The following DCPS variants were observed in gnomAD, a reference collection of about 807,000 sequenced individuals.
DCPS encodes the protein decapping enzyme, scavenger.
In DCPS, 27 loss-of-function variants were observed where a neutral mutation model predicts 34.7. The observed-to-expected ratio is 0.78, with a 90% CI of 0.57 to 1.07. The LOEUF (loss-of-function observed/expected upper bound fraction) is 1.07, where lower values mean the gene tolerates loss of function less well. Ranked by LOEUF, DCPS falls within the 50% of genes least tolerant of loss-of-function variation. The pLI is 0.00. For synonymous variants in DCPS, 185 were observed against 185.7 expected, an observed-to-expected ratio of 1.00 and a Z score of 0.03; for missense variants, 464 against 436.9, an observed-to-expected ratio of 1.06 and a Z score of -0.55.
rs1951718769 is a variant in DCPS, at chr11:126,322,974, G to GGTA, written c.377-8430_377-8428dup. On this transcript the variant is annotated intron_variant, in intron 2 of 5. Transcript: ENST00000263579. The surrounding 1 kb of genome is among the most constrained non-coding windows in gnomAD (Gnocchi z 4.2). ...TCCCGAGTAGTGGCGACCAGAGGCA[G>GGTA]GTACCACCACACGTGGCTAATTTAT... Among the ~76,000 whole-genome samples, 1 of 152,128 alleles carries GGTA rather than the reference G, an allele frequency of 6.6e-6. No homozygotes were observed. Among genetic ancestry groups the GGTA allele is most frequent in the African/African-American group, 2.4e-5 (1 of 41,408 alleles).
At chr11:126,341,943 C>T (rs1404421095) in intron 4 of DCPS, 1 of 152,220 alleles carries the variant, frequency 6.6e-6, no homozygotes, top group Non-Finnish European at 1.5e-5. Context: ...ATGTAAAGAC[C>T]ATGGCATAGT....
rs759084397 is a variant in DCPS at position 126,345,501 on chromosome 11, TGATC to T, written c.905_908del (p.Ile302ArgfsTer101). ...GAGCGGGCCCACCTGCTGGCTGAGG[TGATC>T]GAGAACTTGGAGTGTGACCCTAGGC... On this transcript the variant is annotated frameshift_variant, in exon 6 of 6. Transcript: ENST00000263579. LOFTEE classifies it high-confidence loss of function. The surrounding 1 kb of genome is among the most constrained non-coding windows in gnomAD (Gnocchi z 7.4). The T allele has an allele frequency of 6.2e-7, 1 of 1,613,940 alleles. No homozygotes were observed. Among genetic ancestry groups the T allele is most frequent in the Non-Finnish European group, 8.5e-7 (1 of 1,179,964 alleles).
In DCPS at chr11:126,328,883, T is replaced by G. The variant is rs182812010; in HGVS notation, c.377-2522T>G. On this transcript the variant is annotated intron_variant, in intron 2 of 5. Coordinates refer to ENST00000263579, the MANE Select transcript of DCPS (RefSeq NM_014026.6). This position sits in a 1 kb window ranked among gnomAD's most constrained non-coding sequence, Gnocchi z 6.6. ...ACTCGTTTAATTCTCCCAACAGCCC[T>G]GGAAGGTAGGTGCTGTTATTGTTAC... Among the ~76,000 whole-genome samples, 162 of 152,284 alleles carry G rather than the reference T, an allele frequency of 1.1e-3. No homozygotes were observed. Among genetic ancestry groups the G allele is most frequent in the South Asian group, 7.5e-3 (36 of 4,826 alleles).
intron 2 of DCPS, 76 bp downstream of exon 2, chr11:126,306,820 A>G (rs1463631566): frequency 1.3e-6 from 2 of 1,498,166 alleles, no homozygotes; most frequent in Admixed American, 3.8e-5. Flanking sequence ...TGGTGACCAG[A>G]CTCTCTATAC....
chr11:126,305,413 CTTTTTTTTTT>C (rs1165260410), intron 1 of DCPS, among the ~76,000 whole-genome samples: 4 of 68,296 alleles, frequency 5.9e-5, no homozygotes, highest in African/African-American at 1.8e-4. Context: ...CCGCACCCGC[CTTTTTTTTTT>C]TTTTTTTTTT....
At position 126,314,942 on chromosome 11, in the gene DCPS, C is replaced by T. The variant is rs140620179; in HGVS notation, c.376+8198C>T. On this transcript the variant is annotated intron_variant, in intron 2 of 5. Coordinates refer to ENST00000263579, the MANE Select transcript of DCPS (RefSeq NM_014026.6). ...AAATCACCACTAAAGAACTTATTCACGTAAGTTCCTACCTGTTCCCCAAAA... is the reference window on the plus strand; with the variant it reads ...AAATCACCACTAAAGAACTTATTCATGTAAGTTCCTACCTGTTCCCCAAAA... 1.1e-3 allele frequency among the ~76,000 whole-genome samples: 170 copies of T among 152,004 alleles called. 1 individual carries two copies. The highest frequency in any genetic ancestry group is 3.8e-3 in the African/African-American group (159 of 41,404).
rs1218125610 is a variant in DCPS at position 126,327,006 on chromosome 11, T to C, written c.377-4399T>C. Among the ~76,000 whole-genome samples, 1 of 152,088 alleles carries C rather than the reference T, an allele frequency of 6.6e-6. No homozygotes were observed. The highest frequency in any genetic ancestry group is 1.5e-5 in the Non-Finnish European group (1 of 68,034). On this transcript the variant is annotated intron_variant, in intron 2 of 5. Transcript: ENST00000263579. The surrounding 1 kb of genome is among the most constrained non-coding windows in gnomAD (Gnocchi z 4.1). The stretch of plus-strand genomic sequence containing the variant: ...GGCTTTTTCTGTCTCCACATATACG[T>C]AGAATAATGATAACGATGGATATAA...
intron 2 of DCPS, among the ~76,000 whole-genome samples, chr11:126,316,457 T>G (rs552847764): frequency 6.6e-6 from 1 of 152,142 alleles, no homozygotes; most frequent in African/African-American, 2.4e-5. Context: ...TACATCATAT[T>G]TCCTTCCTTG....
At position 126,331,284 on chromosome 11, in the gene DCPS, T is replaced by G; in HGVS notation, c.377-121T>G. On this transcript the variant is annotated intron_variant, in intron 2 of 5. Coordinates refer to ENST00000263579, the MANE Select transcript of DCPS (RefSeq NM_014026.6). This position sits in a 1 kb window ranked among gnomAD's most constrained non-coding sequence, Gnocchi z 7.2. ...AGTGGATCTTGGGTGCATGATCCTC[T>G]TGGATTTTGGCTTCCCTCAGGGAAT... 1 of 1,454,210 alleles carries G rather than the reference T, an allele frequency of 6.9e-7. No individual in the cohort carries two copies. The highest frequency in any genetic ancestry group is 9.3e-7 in the Non-Finnish European group (1 of 1,074,144). 90.1% of individuals were successfully genotyped at this position (1,454,210 alleles called of 1,614,324 possible).
intron 2 of DCPS, among the ~76,000 whole-genome samples, chr11:126,318,542 C>T (rs995003162): frequency 6.6e-6 from 1 of 152,194 alleles, no homozygotes; most frequent in African/African-American, 2.4e-5. Context: ...ACCAACCTCT[C>T]GTTCTTTCAG....
Position 126,334,692 on chromosome 11 carries a change from A to C in DCPS, c.522+3142A>C, listed in dbSNP as rs1021028819. ...GCAGCCCTTTTGGAGACAGGTCTCA[A>C]AGCCAGGCAGTCTGGTCCCAGTATC... On this transcript the variant is annotated intron_variant, in intron 3 of 5. Coordinates refer to ENST00000263579, the MANE Select transcript of DCPS (RefSeq NM_014026.6). The surrounding 1 kb of genome is among the most constrained non-coding windows in gnomAD (Gnocchi z 5.5). Among the ~76,000 whole-genome samples the C allele has an allele frequency of 1.3e-5, 2 of 152,304 alleles. No individual in the cohort carries two copies. Among genetic ancestry groups the C allele is most frequent in the African/African-American group, 4.8e-5 (2 of 41,566 alleles).
At chr11:126,305,102 TTTTA>T (rs902839481) in intron 1 of DCPS, among the ~76,000 whole-genome samples, 5 of 152,078 alleles carry the variant, frequency 3.3e-5, no homozygotes, top group Admixed American at 1.3e-4. Flanking sequence ...GTTTTTAAAT[TTTTA>T]TTTATTTATT....
rs2135329331 is a variant in DCPS, at chr11:126,333,879, C to CTCTG, written c.522+2332_522+2333insGTCT. On this transcript the variant is annotated intron_variant, in intron 3 of 5. Transcript: ENST00000263579. The surrounding 1 kb of genome is among the most constrained non-coding windows in gnomAD (Gnocchi z 5.7). The stretch of plus-strand genomic sequence containing the variant: ...GGAGCTGGGAATTCTCTCTCTCTCT[C>CTCTG]TCTCTCTCTCTCTGATATTTCTGAC... Among the ~76,000 whole-genome samples the CTCTG allele has an allele frequency of 6.6e-6, 1 of 152,252 alleles. No individual in the cohort carries two copies. The highest frequency in any genetic ancestry group is 1.5e-5 in the Non-Finnish European group (1 of 68,022).
rs565583822 is a variant in DCPS, at chr11:126,315,328, G to A, written c.376+8584G>A. Among the ~76,000 whole-genome samples, 3 of 152,222 alleles carry A rather than the reference G, an allele frequency of 2.0e-5. No homozygotes were observed. Among genetic ancestry groups the A allele is most frequent in the South Asian group, 4.1e-4 (2 of 4,828 alleles). ...TAATTCCAGCACTTTGGGAGGCCGAGGCAGGTGGATCATTTGAGGTCAGGA... is the reference window on the plus strand; with the variant it reads ...TAATTCCAGCACTTTGGGAGGCCGAAGCAGGTGGATCATTTGAGGTCAGGA... On this transcript the variant is annotated intron_variant, in intron 2 of 5. Coordinates refer to ENST00000263579, the MANE Select transcript of DCPS (RefSeq NM_014026.6). This position sits in a 1 kb window ranked among gnomAD's most constrained non-coding sequence, Gnocchi z 6.1.
rs374967994 is a variant in DCPS, at chr11:126,320,490, TA to T, written c.377-10906del. Among the ~76,000 whole-genome samples the T allele has an allele frequency of 0.048, 7,325 of 151,596 alleles. 237 individuals are homozygous for T. Among genetic ancestry groups the T allele is most frequent in the Non-Finnish European group, 0.079 (5,381 of 67,866 alleles). ...GACAATGATATTAAAGGAATATTCTTAAAAAAAAATTAACCCATCAAGACTA... is the reference window on the plus strand; with the variant it reads ...GACAATGATATTAAAGGAATATTCTTAAAAAAAATTAACCCATCAAGACTA... On this transcript the variant is annotated intron_variant, in intron 2 of 5. Coordinates refer to ENST00000263579, the MANE Select transcript of DCPS (RefSeq NM_014026.6). The surrounding 1 kb of genome is among the most constrained non-coding windows in gnomAD (Gnocchi z 4.7).
At position 126,315,229 on chromosome 11, in the gene DCPS, AC is replaced by A. The variant is rs1951648946; in HGVS notation, c.376+8488del. On this transcript the variant is annotated intron_variant, in intron 2 of 5. Transcript: ENST00000263579. The surrounding 1 kb of genome is among the most constrained non-coding windows in gnomAD (Gnocchi z 6.1). ...TACCTGTAAACAAAGCTGTACATGT[AC>A]CCTTTAACCTAAAATAAGAATTAAA... Among the ~76,000 whole-genome samples the A allele has an allele frequency of 6.6e-6, 1 of 152,166 alleles. No homozygotes were observed. Among genetic ancestry groups the A allele is most frequent in the African/African-American group, 2.4e-5 (1 of 41,458 alleles).
Position 126,337,994 on chromosome 11 carries a change from A to G in DCPS, c.523-292A>G. ...CTGGGTTTGGAGGCCTCCGCAGAGC[A>G]TGTGCACTATGCTGACCAGGAAGAG... On this transcript the variant is annotated intron_variant, in intron 3 of 5. Transcript: ENST00000263579. This position sits in a 1 kb window ranked among gnomAD's most constrained non-coding sequence, Gnocchi z 5.3. 2.4e-6 allele frequency: 1 copy of G among 420,938 alleles called. No homozygotes were observed. Among genetic ancestry groups the G allele is most frequent in the Non-Finnish European group, 4.4e-6 (1 of 226,292 alleles). The allele number at this position is 420,938 out of a possible 1,614,324, so 26.1% of individuals were successfully genotyped here.
rs1056658411 is a variant in DCPS, at chr11:126,346,828, C to T, written c.*1215C>T. On this transcript the variant is annotated 3_prime_UTR_variant, in exon 6 of 6. Coordinates refer to ENST00000263579, the MANE Select transcript of DCPS (RefSeq NM_014026.6). This position sits in a 1 kb window ranked among gnomAD's most constrained non-coding sequence, Gnocchi z 4.1. ...AGGTGGTAGCCCAGGTGCAGCCAAC[C>T]TGCTTCAGGGTCTCAGGGCCTGCTG... Among the ~76,000 whole-genome samples the T allele has an allele frequency of 6.6e-5, 10 of 152,174 alleles. No homozygotes were observed. Among genetic ancestry groups the T allele is most frequent in the Non-Finnish European group, 1.5e-4 (10 of 68,034 alleles).
chr11:126,314,641 C>T (rs1951644836), intron 2 of DCPS, among the ~76,000 whole-genome samples: 1 of 152,060 alleles, frequency 6.6e-6, no homozygotes, highest in Non-Finnish European at 1.5e-5. Flanking sequence ...TATATCATAC[C>T]ATGGAATACT....
Sources: allele counts gnomAD v4.1 joint callset (sites outside exome capture counted in the v4.1 genomes callset), GRCh38; gene constraint gnomAD v4.1.1; non-coding constraint Gnocchi (gnomAD v3.1); transcripts MANE v1.5; gene names NCBI Gene and HGNC (gene_info 2026-07-23, HGNC 2026-07-21).